The following GPC1 variants were observed in gnomAD, a reference collection of about 807,000 sequenced individuals.
GPC1 encodes the protein glypican-1.
In GPC1, 26 loss-of-function variants were observed where a neutral mutation model predicts 51.5. The ratio of observed to expected loss-of-function variants is 0.50; its 90% CI spans 0.37 to 0.70. GPC1 has a LOEUF of 0.70. Among genes scored for constraint, GPC1 ranks in the 30% least tolerant of loss-of-function variants. The pLI, the probability that GPC1 is intolerant of heterozygous loss-of-function variation, is 0.00. For synonymous variants in GPC1, 380 were observed against 348.3 expected, an observed-to-expected ratio of 1.09 and a Z score of -1.01; for missense variants, 775 against 800.5, an observed-to-expected ratio of 0.97 and a Z score of 0.38.
chr2:240,459,740 C>T (rs563119195), intron 2 of GPC1, among the ~76,000 whole-genome samples: 32 of 152,298 alleles, frequency 2.1e-4, no homozygotes, highest in African/African-American at 6.3e-4. Flanking sequence ...CTTGAGGCCC[C>T]GCCAGCTGCT....
intron 1 of GPC1, chr2:240,450,534 C>A (rs766886318): frequency 4.3e-6 from 2 of 461,738 alleles, no homozygotes; most frequent in South Asian, 3.1e-5. Context: ...CTCGGCTTAA[C>A]CCCCTGCGAG....
chr2:240,450,559 C>T (rs1247215623), intron 1 of GPC1: 10 of 469,716 alleles, frequency 2.1e-5, no homozygotes, highest in Admixed American at 1.6e-4. Context: ...ATAGTGAGCT[C>T]TGCATCTTAG....
chr2:240,438,156 C>G (rs931903944), intron 1 of GPC1, among the ~76,000 whole-genome samples: 1 of 152,180 alleles, frequency 6.6e-6, no homozygotes, highest in Non-Finnish European at 1.5e-5. Flanking sequence ...TGCCAGGGCT[C>G]GGGGTGCCAC....
At chr2:240,459,215 G>A (rs779984351) in intron 2 of GPC1, 27 bp downstream of exon 2, 2 of 1,601,366 alleles carry the variant, frequency 1.2e-6, no homozygotes, top group Non-Finnish European at 1.7e-6. Context: ...GGCGCTCGGG[G>A]CCCGCAGGGT....
intron 1 of GPC1, chr2:240,450,853 C>A (rs1162092800): frequency 4.4e-6 from 2 of 453,316 alleles, no homozygotes; most frequent in Non-Finnish European, 9.1e-6. Flanking sequence ...GTGGAGGCTC[C>A]CCTGGCAGAG....
At position 240,436,021 on chromosome 2, in the gene GPC1, G is replaced by A. The variant is rs2073981274; in HGVS notation, c.103G>A (p.Val35Ile). Residue 35 changes from valine (V) to isoleucine (I), a missense_variant, in exon 1 of 9, where the codon GTC becomes ATC. Transcript: ENST00000264039. ...PASKSRSCGE[V>I]RQIYGAKGFS... is the part of the protein sequence containing the mutation. ...CAGCAAGAGCCGGAGCTGCGGCGAG[G>A]TCCGCCAGATCTACGGAGCCAAGGG... 3 of 1,387,002 alleles carry A rather than the reference G, an allele frequency of 2.2e-6. No individual in the cohort carries two copies. Among genetic ancestry groups the A allele is most frequent in the South Asian group, 1.7e-5 (1 of 58,800 alleles). 85.9% of individuals were successfully genotyped at this position (1,387,002 alleles called of 1,614,324 possible).
intron 1 of GPC1, among the ~76,000 whole-genome samples, chr2:240,445,218 T>C (rs1374662918): frequency 6.6e-6 from 1 of 152,166 alleles, no homozygotes; most frequent in African/African-American, 2.4e-5. Flanking sequence ...CCCTGTTCTA[T>C]GTGCGTGGCC....
chr2:240,466,267 G>A lies in GPC1; in HGVS notation c.1654G>A (p.Val552Ile), dbSNP rs888094433. 10 of 1,603,896 alleles carry A rather than the reference G, an allele frequency of 6.2e-6. No homozygotes were observed. The highest frequency in any genetic ancestry group is 1.7e-5 in the Admixed American group (1 of 59,976). The stretch of plus-strand genomic sequence containing the variant: ...CCTCCTCCTCTTCCTGGCCCTTACA[G>A]TAGCCAGGCCCCGGTGGCGGTAACT... ...LPLLLFLALT[V>I]ARPRWR The change falls in exon 9 of 9, where the codon GTA becomes ATA. Residue 552 changes from valine (V) to isoleucine (I), a missense_variant. Physicochemically the swap from Val to Ile is conservative, Grantham distance 29. Transcript: ENST00000264039.
intron 1 of GPC1, among the ~76,000 whole-genome samples, chr2:240,441,167 G>A (rs2074014297): frequency 6.6e-6 from 1 of 152,260 alleles, no homozygotes; most frequent in Admixed American, 6.5e-5. Flanking sequence ...CAGCAGGACG[G>A]GGGGCATACC....
At chr2:240,450,811 T>C in intron 1 of GPC1, 1 of 469,016 alleles carries the variant, frequency 2.1e-6, no homozygotes, top group Non-Finnish European at 4.4e-6. Context: ...AGGGCCGGCC[T>C]GGGTGCCAGG....
chr2:240,442,267 G>A (rs987448982), intron 1 of GPC1: 1 of 152,244 alleles, frequency 6.6e-6, no homozygotes, highest in Non-Finnish European at 1.5e-5. Context: ...CACACAGGGT[G>A]GGGAAGGCCC....
rs545820733 is a variant in GPC1, at chr2:240,464,812, G to A, written c.1015-44G>A. 3.8e-6 allele frequency: 6 copies of A among 1,566,516 alleles called. No homozygotes were observed. The African/African-American group carries it at 5.4e-5, about 14-fold the overall frequency. On this transcript the variant is annotated intron_variant, in intron 5 of 8. Coordinates refer to ENST00000264039, the MANE Select transcript of GPC1 (RefSeq NM_002081.3). ...TCCTGGATGTGGCCCCATTGGGCTT[G>A]AGGGGCCCCACTACCCCCCAAGGAC...
At chr2:240,458,006 G>C in intron 1 of GPC1, 1 of 469,356 alleles carries the variant, frequency 2.1e-6, no homozygotes, top group South Asian at 1.6e-5. Context: ...CCTTAGAGGC[G>C]GGGGACGAGG....
At chr2:240,451,497 G>A in intron 1 of GPC1, 1 of 337,368 alleles carries the variant, frequency 3.0e-6, no homozygotes, top group Non-Finnish European at 5.9e-6. Context: ...CCTGCTGGCA[G>A]GGTTGGGCAT....
In GPC1 at chr2:240,449,765, G is replaced by A. The variant is rs374648530; in HGVS notation, c.167-9265G>A. ...CCATCCTTTCAGTCTCTATGAATCC[G>A]ACTCCTCTAGGGACCTCACATAAGT... On this transcript the variant is annotated intron_variant, in intron 1 of 8. Transcript: ENST00000264039. 2.3e-4 allele frequency: 105 copies of A among 454,828 alleles called. 1 individual carries two copies. The highest frequency in any genetic ancestry group is 6.8e-4 in the Middle Eastern group (2 of 2,920). The allele number at this position is 454,828 out of a possible 1,614,324, so 28.2% of individuals were successfully genotyped here.
At chr2:240,440,591 CCGG>C in intron 1 of GPC1, among the ~76,000 whole-genome samples, 1 of 135,690 alleles carries the variant, frequency 7.4e-6, no homozygotes, top group African/African-American at 2.8e-5. Context: ...CTCCCTGCCT[CCGG>C]TCCTGCCCAG....
chr2:240,461,590 A>C (rs1283952625), intron 2 of GPC1, among the ~76,000 whole-genome samples: 2 of 152,128 alleles, frequency 1.3e-5, no homozygotes, highest in African/African-American at 2.4e-5. Flanking sequence ...TCTAGGCTGC[A>C]GGAGGCCCCC....
At position 240,448,166 on chromosome 2, in the gene GPC1, A is replaced by G. The variant is rs1374344050; in HGVS notation, c.167-10864A>G. Among the ~76,000 whole-genome samples, 1 of 152,000 alleles carries G rather than the reference A, an allele frequency of 6.6e-6. No homozygotes were observed. The highest frequency in any genetic ancestry group is 1.5e-5 in the Non-Finnish European group (1 of 67,984). ...AGGAGGCACCGCAGGCCCTGTGGAG[A>G]GGCAGGAAGGGCAGGAGATGCTGGC... On this transcript the variant is annotated intron_variant, in intron 1 of 8. Coordinates refer to ENST00000264039, the MANE Select transcript of GPC1 (RefSeq NM_002081.3). This position sits in a 1 kb window ranked among gnomAD's most constrained non-coding sequence, Gnocchi z 4.5.
intron 1 of GPC1, chr2:240,449,725 C>T (rs1333731579): frequency 1.2e-5 from 5 of 421,472 alleles, no homozygotes; most frequent in South Asian, 5.0e-5. Flanking sequence ...CCCTCTCCAC[C>T]GCCCCTGGTG....
Sources: gnomAD v4.1 joint callset for allele counts (sites outside exome capture counted in the v4.1 genomes callset) on GRCh38, gnomAD v4.1.1 for gene constraint, Gnocchi (gnomAD v3.1) non-coding constraint, MANE v1.5 for transcripts, NCBI Gene and HGNC (gene_info 2026-07-23, HGNC 2026-07-21) for gene names.